VPS18: variants seen among roughly 807,000 people sequenced by gnomAD.
VPS18 encodes VPS18 core subunit of CORVET and HOPS complexes.
VPS18 carries 25 observed loss-of-function variants against 82.0 expected under a neutral mutation model. The ratio of observed to expected loss-of-function variants is 0.30; its 90% CI spans 0.22 to 0.43. The LOEUF is 0.43. VPS18 is among the 20% of genes least tolerant of loss of function. VPS18 has a pLI of 1.00. For synonymous variants in VPS18, 523 were observed against 543.0 expected (o/e 0.96, Z 0.51); for missense variants, 1,168 against 1,311.1 (o/e 0.89, Z 1.69).
In VPS18 at chr15:40,900,847, G is replaced by A. The variant is rs1400090391; in HGVS notation, c.2029G>A (p.Asp677Asn). The part of the protein sequence containing the change: ...LLSLYARGRP[D>N]SLLAYLEQAG... ...GTCACTGTATGCCCGTGGCCGGCCG[G>A]ACTCACTACTGGCCTATCTGGAGCA... Residue 677 changes from aspartate (D) to asparagine (N), a missense_variant, in exon 4 of 5, where the codon GAC becomes AAC. Transcript: ENST00000220509. This position sits in a 1 kb window ranked among gnomAD's most constrained non-coding sequence, Gnocchi z 5.4. 6.2e-7 allele frequency: 1 copy of A among 1,614,162 alleles called. No individual in the cohort carries two copies. Among genetic ancestry groups the A allele is most frequent in the Non-Finnish European group, 8.5e-7 (1 of 1,180,042 alleles).
intron 2 of VPS18, 65 bp from the exon 3 acceptor site, chr15:40,898,842 A>T: frequency 6.8e-7 from 1 of 1,481,136 alleles, no homozygotes; most frequent in Non-Finnish European, 9.3e-7. Flanking sequence ...AGATTATTAA[A>T]GAAGATCATG....
In VPS18 at chr15:40,899,131, C is replaced by T; in HGVS notation, c.326-13C>T. 1 of 1,608,502 alleles carries T rather than the reference C, an allele frequency of 6.2e-7. No individual in the cohort carries two copies. Among genetic ancestry groups the T allele is most frequent in the South Asian group, 1.1e-5 (1 of 90,744 alleles). On this transcript the variant is annotated splice_polypyrimidine_tract_variant and intron_variant, in intron 3 of 4. Transcript: ENST00000220509. The surrounding 1 kb of genome is among the most constrained non-coding windows in gnomAD (Gnocchi z 4.4). ...GCAGCATCCACTGGGGCGCCATGCT[C>T]TCCCCACTCCAGGCTCTCACCTGCT...
rs995268685 is a variant in VPS18, at chr15:40,899,079, G to A, written c.326-65G>A. ...GGTGGGCTCTGAGGGTGGTGTGGGG[G>A]CCAGGAGGAGGCTGAGGATGGGAAC... On this transcript the variant is annotated intron_variant, in intron 3 of 4. Coordinates refer to ENST00000220509, the MANE Select transcript of VPS18 (RefSeq NM_020857.3). This position sits in a 1 kb window ranked among gnomAD's most constrained non-coding sequence, Gnocchi z 4.4. 1.2e-6 allele frequency: 2 copies of A among 1,604,990 alleles called. No individual in the cohort carries two copies. Among genetic ancestry groups the A allele is most frequent in the South Asian group, 2.2e-5 (2 of 90,270 alleles).
In VPS18 at chr15:40,900,695, T is replaced by C; in HGVS notation, c.1877T>C (p.Leu626Pro). ...GGCAGCCGGCTGGATGCTCGTCAGC[T>C]CATTCCTGCCCTGGTGAACTACAGC... ...EMGSRLDARQ[L>P]IPALVNYSQG... Residue 626 changes from leucine to proline, a missense_variant, in exon 4 of 5, where the codon CTC becomes CCC. By Grantham distance (98) the Leu-to-Pro change is moderately conservative. Transcript: ENST00000220509. This position sits in a 1 kb window ranked among gnomAD's most constrained non-coding sequence, Gnocchi z 5.4. 1 of 1,614,158 alleles carries C rather than the reference T, an allele frequency of 6.2e-7. No homozygotes were observed. Among genetic ancestry groups the C allele is most frequent in the Non-Finnish European group, 8.5e-7 (1 of 1,180,020 alleles).
chr15:40,896,480 T>A (rs1175508495), intron 2 of VPS18, among the ~76,000 whole-genome samples: 1 of 151,012 alleles, frequency 6.6e-6, no homozygotes, highest in Non-Finnish European at 1.5e-5. Context: ...AAGGCTGCAG[T>A]GAGCTGTGTT....
At position 40,899,132 on chromosome 15, in the gene VPS18, T is replaced by C; in HGVS notation, c.326-12T>C. ...CAGCATCCACTGGGGCGCCATGCTC[T>C]CCCCACTCCAGGCTCTCACCTGCTG... On this transcript the variant is annotated splice_polypyrimidine_tract_variant and intron_variant, in intron 3 of 4. Transcript: ENST00000220509. This position sits in a 1 kb window ranked among gnomAD's most constrained non-coding sequence, Gnocchi z 4.4. 6.2e-7 allele frequency: 1 copy of C among 1,608,672 alleles called. No homozygotes were observed. Among genetic ancestry groups the C allele is most frequent in the African/African-American group, 1.3e-5 (1 of 74,938 alleles).
intron 2 of VPS18, 49 bp from the exon 3 acceptor site, chr15:40,898,858 A>G (rs1892283761): frequency 2.6e-6 from 4 of 1,556,470 alleles, no homozygotes; most frequent in East Asian, 4.5e-5. Flanking sequence ...TCATGATCCA[A>G]AAAAGGATCT....
chr15:40,896,437 C>A (rs1427989775), intron 2 of VPS18, among the ~76,000 whole-genome samples: 1 of 150,768 alleles, frequency 6.6e-6, no homozygotes, highest in East Asian at 1.9e-4. Flanking sequence ...CTGGGGAGGC[C>A]GAGGCAAGAG....
Position 40,896,030 on chromosome 15 carries a change from G to C in VPS18, c.184G>C (p.Val62Leu). 1 of 1,614,160 alleles carries C rather than the reference G, an allele frequency of 6.2e-7. No homozygotes were observed. Among genetic ancestry groups the C allele is most frequent in the Non-Finnish European group, 8.5e-7 (1 of 1,180,050 alleles). Residue 62 changes from valine (V) to leucine (L), a missense_variant, in exon 2 of 5, where the codon GTC becomes CTC. By Grantham distance (32) the Val-to-Leu change is conservative (BLOSUM62 1). This residue lies in a region of VPS18 where 868 missense variants were observed against 939.8 expected (regional missense o/e 0.92). Coordinates refer to ENST00000220509, the MANE Select transcript of VPS18 (RefSeq NM_020857.3). ...TPSERITSLV[V>L]SSNQLCMSLG... is the part of the protein sequence containing the mutation. Reference sequence around the variant, plus strand: ...TTCCGAGCGCATTACCAGTCTTGTCGTCTCCAGCAATCAGCTGTGCATGAG... The same window carrying C: ...TTCCGAGCGCATTACCAGTCTTGTCCTCTCCAGCAATCAGCTGTGCATGAG...
chr15:40,903,680 C>CGA lies in VPS18; in HGVS notation c.*357_*358dup, dbSNP rs59742241. 5,462 of 198,752 alleles carry CGA rather than the reference C, an allele frequency of 0.027. 177 individuals are homozygous for CGA. Among genetic ancestry groups the CGA allele is most frequent in the African/African-American group, 0.079 (3,369 of 42,468 alleles). The allele number at this position is 198,752 out of a possible 1,614,324, so 12.3% of individuals were successfully genotyped here. A position where few individuals can be genotyped will look rare whatever the true frequency, so the allele number is the denominator to read the frequency against. ...TTCCCCACACACGTCCTGTTCACCT[C>CGA]GAGAGAGAGAGAGAGAGAGCACCTT... On this transcript the variant is annotated 3_prime_UTR_variant, in exon 5 of 5. Transcript: ENST00000220509.
chr15:40,900,732 G>C lies in VPS18; in HGVS notation c.1914G>C (p.Glu638Asp). The C allele has an allele frequency of 1.2e-6, 2 of 1,614,208 alleles. No homozygotes were observed. The highest frequency in any genetic ancestry group is 1.7e-6 in the Non-Finnish European group (2 of 1,180,044). Residue 638 changes from glutamate (E) to aspartate (D), a missense_variant, in exon 4 of 5, where the codon GAG (glutamate) becomes GAC (aspartate). Physicochemically the swap from Glu to Asp is conservative, Grantham distance 45. Around this residue, in one of 3 missense-constraint regions of VPS18, gnomAD observed 868 missense variants for 939.8 expected, o/e 0.92. Coordinates refer to ENST00000220509, the MANE Select transcript of VPS18 (RefSeq NM_020857.3). This position sits in a 1 kb window ranked among gnomAD's most constrained non-coding sequence, Gnocchi z 5.4. ...PALVNYSQGG[E>D]VQQVSQAIRY... ...TGGTGAACTACAGCCAGGGTGGTGAGGTCCAGCAGGTGAGCCAGGCCATCC... is the reference window on the plus strand; with the variant it reads ...TGGTGAACTACAGCCAGGGTGGTGACGTCCAGCAGGTGAGCCAGGCCATCC...
rs150435527 is a variant in VPS18 at position 40,900,775 on chromosome 15, G to A, written c.1957G>A (p.Val653Met). The A allele has an allele frequency of 2.7e-4, 432 of 1,614,222 alleles. 1 individual carries two copies. The highest frequency in any genetic ancestry group is 3.3e-4 in the Non-Finnish European group (395 of 1,180,046). The change falls in exon 4 of 5, where the codon GTG becomes ATG. Residue 653 changes from valine to methionine, a missense_variant. Physicochemically the swap from Val to Met is conservative, Grantham distance 21. Transcript: ENST00000220509. This position sits in a 1 kb window ranked among gnomAD's most constrained non-coding sequence, Gnocchi z 5.4. ...GGCCATCCGCTACATGGAGTTCTGC[G>A]TGAACGTGCTGGGGGAGACTGAGCA... ...SQAIRYMEFC[V>M]NVLGETEQAI...
chr15:40,898,242 C>T (rs1033265415), intron 2 of VPS18, among the ~76,000 whole-genome samples: 3 of 151,012 alleles, frequency 2.0e-5, no homozygotes, highest in African/African-American at 7.4e-5. Flanking sequence ...GCGTGAGCCA[C>T]CGCGCCCGGC....
chr15:40,900,142 A>G lies in VPS18; in HGVS notation c.1324A>G (p.Ser442Gly). The change falls in exon 4 of 5, where the codon AGC (serine) becomes GGC (glycine). Residue 442 changes from serine (S) to glycine (G), a missense_variant. Physicochemically the swap from Ser to Gly is moderately conservative, Grantham distance 56. This residue lies in a region of VPS18 where 868 missense variants were observed against 939.8 expected (regional missense o/e 0.92). Coordinates refer to ENST00000220509, the MANE Select transcript of VPS18 (RefSeq NM_020857.3). The surrounding 1 kb of genome is among the most constrained non-coding windows in gnomAD (Gnocchi z 5.4). ...CTTTCGCCAGCGTCGCTACCTGGAG[A>G]GCGCACGCTGCTATGCCCTGACCCA... ...FCFRQRRYLE[S>G]ARCYALTQSY... 1 of 1,613,568 alleles carries G rather than the reference A, an allele frequency of 6.2e-7. No individual in the cohort carries two copies. The highest frequency in any genetic ancestry group is 8.5e-7 in the Non-Finnish European group (1 of 1,179,994).
Position 40,898,903 on chromosome 15 carries a change from A to C in VPS18, c.234-4A>C. 7 of 1,613,858 alleles carry C rather than the reference A, an allele frequency of 4.3e-6. No homozygotes were observed. The highest frequency in any genetic ancestry group is 5.9e-6 in the Non-Finnish European group (7 of 1,179,870). On this transcript the variant is annotated splice_region_variant and splice_polypyrimidine_tract_variant and intron_variant, in intron 2 of 4. Coordinates refer to ENST00000220509, the MANE Select transcript of VPS18 (RefSeq NM_020857.3). ...TAAAGTGATGGTGACGCTTGTCCCC[A>C]CAGCATTGACTTGGGCAAGGCAAAT... is the stretch of plus-strand genomic sequence containing the variant.
chr15:40,896,939 G>A (rs745640098), intron 2 of VPS18, among the ~76,000 whole-genome samples: 12 of 152,034 alleles, frequency 7.9e-5, no homozygotes, highest in South Asian at 2.1e-4. Flanking sequence ...CTCATCAATA[G>A]GAAAATGGTG....
In VPS18 at chr15:40,899,891, A is replaced by G; in HGVS notation, c.1073A>G (p.His358Arg). The change falls in exon 4 of 5, where the codon CAC becomes CGC. Residue 358 changes from histidine (H) to arginine (R), a missense_variant. Physicochemically the swap from His to Arg is conservative, Grantham distance 29. This residue lies in a region of VPS18 where 868 missense variants were observed against 939.8 expected (regional missense o/e 0.92). Coordinates refer to ENST00000220509, the MANE Select transcript of VPS18 (RefSeq NM_020857.3). The surrounding 1 kb of genome is among the most constrained non-coding windows in gnomAD (Gnocchi z 4.4). ...TLTGQVVLRD[H>R]FLEKFGPLKH... is the part of the protein sequence containing the mutation. ...ACCGGGCAGGTGGTGCTGCGGGATCACTTCCTGGAGAAATTTGGGCCGCTG... is the reference window on the plus strand; with the variant it reads ...ACCGGGCAGGTGGTGCTGCGGGATCGCTTCCTGGAGAAATTTGGGCCGCTG... 6.2e-7 allele frequency: 1 copy of G among 1,610,488 alleles called. No individual in the cohort carries two copies. The highest frequency in any genetic ancestry group is 8.5e-7 in the Non-Finnish European group (1 of 1,180,016).
chr15:40,900,009 T>A lies in VPS18; in HGVS notation c.1191T>A (p.Asp397Glu). The A allele has an allele frequency of 6.2e-7, 1 of 1,614,038 alleles. No homozygotes were observed. The highest frequency in any genetic ancestry group is 8.5e-7 in the Non-Finnish European group (1 of 1,180,032). The change falls in exon 4 of 5, where the codon GAT becomes GAA. Residue 397 changes from aspartate (D) to glutamate (E), a missense_variant. Asp to Glu is a conservative substitution (Grantham distance 45). Around this residue, in one of 3 missense-constraint regions of VPS18, gnomAD observed 868 missense variants for 939.8 expected, o/e 0.92. Coordinates refer to ENST00000220509, the MANE Select transcript of VPS18 (RefSeq NM_020857.3). This position sits in a 1 kb window ranked among gnomAD's most constrained non-coding sequence, Gnocchi z 5.4. ...ACCACGTGCAACGGGAGGCCCGAGATGTCTGGCGCACCTATCTGGACATGA... is the reference window on the plus strand; with the variant it reads ...ACCACGTGCAACGGGAGGCCCGAGAAGTCTGGCGCACCTATCTGGACATGA... ...FRYHVQREARDVWRTYLDMNR... is the reference protein window; with the variant it reads ...FRYHVQREAREVWRTYLDMNR...
At position 40,899,642 on chromosome 15, in the gene VPS18, C is replaced by A. The variant is rs369399055; in HGVS notation, c.824C>A (p.Pro275His). The A allele has an allele frequency of 4.3e-6, 7 of 1,612,858 alleles. No homozygotes were observed. The highest frequency in any genetic ancestry group is 2.2e-5 in the South Asian group (2 of 91,088). ...LGYSELAFYT[P>H]KLRSAPRAFA... ...TACAGTGAGTTGGCCTTCTACACCC[C>A]CAAGCTGCGCTCCGCACCCCGGGCC... Residue 275 changes from proline (P) to histidine (H), a missense_variant, in exon 4 of 5, where the codon CCC becomes CAC. Coordinates refer to ENST00000220509, the MANE Select transcript of VPS18 (RefSeq NM_020857.3). This position sits in a 1 kb window ranked among gnomAD's most constrained non-coding sequence, Gnocchi z 4.4.
Sources: allele counts gnomAD v4.1 joint callset (sites outside exome capture counted in the v4.1 genomes callset), GRCh38; gene constraint gnomAD v4.1.1; regional missense constraint gnomAD v4.1.1; non-coding constraint Gnocchi (gnomAD v3.1); transcripts MANE v1.5; gene names NCBI Gene and HGNC (gene_info 2026-07-23, HGNC 2026-07-21).